The following GRIP1 variants were observed in gnomAD, a reference collection of about 807,000 sequenced individuals.
GRIP1 encodes the protein glutamate receptor-interacting protein 1.
In GRIP1, 45 loss-of-function variants were observed where a neutral mutation model predicts 129.9. That is an observed-to-expected ratio of 0.35 (90% CI 0.27 to 0.44). GRIP1 has a LOEUF of 0.44. Among genes scored for constraint, GRIP1 ranks in the 20% least tolerant of loss-of-function variants. The pLI is 1.00. For synonymous variants in GRIP1, 530 were observed against 520.8 expected, an observed-to-expected ratio of 1.02 and a Z score of -0.24; for missense variants, 1,196 against 1,396.8, an observed-to-expected ratio of 0.86 and a Z score of 2.29.
intron 1 of GRIP1, among the ~76,000 whole-genome samples, chr12:66,736,346 A>ATTTTTTTTTTTTTTTTTTT (rs547706592): frequency 9.0e-5 from 6 of 67,020 alleles, no homozygotes; most frequent in Non-Finnish European, 1.6e-4. Context: ...TGCCTGGCTA[A>ATTTTTTTTTTTTTTTTTTT]TTTTTTTTTT....
At chr12:67,057,115 C>T (rs779912581) in intron 1 of GRIP1, among the ~76,000 whole-genome samples, 3 of 152,196 alleles carry the variant, frequency 2.0e-5, no homozygotes, top group East Asian at 3.9e-4. Flanking sequence ...CGTGCCTGGC[C>T]GGACTGAATG....
chr12:66,796,575 T>A (rs1205396222), intron 1 of GRIP1, among the ~76,000 whole-genome samples: 1 of 152,050 alleles, frequency 6.6e-6, no homozygotes, highest in African/African-American at 2.4e-5. Context: ...ATCCCAAAAC[T>A]TTGATCTGGT....
chr12:66,611,569 A>G (rs2064793713), intron 1 of GRIP1, among the ~76,000 whole-genome samples: 1 of 152,184 alleles, frequency 6.6e-6, no homozygotes, highest in Admixed American at 6.6e-5. Context: ...TCATTCTGTA[A>G]GCCCTCAGAA....
intron 7 of GRIP1, among the ~76,000 whole-genome samples, chr12:66,479,225 G>A (rs1192664564): frequency 6.6e-6 from 1 of 151,796 alleles, no homozygotes; most frequent in Non-Finnish European, 1.5e-5. Context: ...AATAAAAAAT[G>A]ATAAAGGGGA....
intron 1 of GRIP1, among the ~76,000 whole-genome samples, chr12:66,675,112 T>A (rs1393077289): frequency 1.3e-5 from 2 of 152,066 alleles, no homozygotes; most frequent in Non-Finnish European, 2.9e-5. Context: ...AGGCCAGCTA[T>A]GATGAAAAAT....
At chr12:66,832,266 G>A (rs550327126) in intron 1 of GRIP1, among the ~76,000 whole-genome samples, 1 of 152,258 alleles carries the variant, frequency 6.6e-6, no homozygotes, top group African/African-American at 2.4e-5. Context: ...TGTGGTAATC[G>A]ATTCGAATGT....
At chr12:66,979,508 A>C (rs2135591400) in intron 1 of GRIP1, among the ~76,000 whole-genome samples, 1 of 152,218 alleles carries the variant, frequency 6.6e-6, no homozygotes, top group East Asian at 1.9e-4. Flanking sequence ...GAGGGCTCCA[A>C]GCCTCAGGGT....
chr12:66,640,490 A>G (rs749396867), intron 1 of GRIP1, among the ~76,000 whole-genome samples: 2 of 152,220 alleles, frequency 1.3e-5, no homozygotes, highest in Non-Finnish European at 2.9e-5. Flanking sequence ...TACTCAAGCT[A>G]GAAGAAAAGA....
chr12:66,540,851 ATGGCACAGTCTTAGTTCAC>A (rs2061755196), intron 3 of GRIP1, among the ~76,000 whole-genome samples: 1 of 152,032 alleles, frequency 6.6e-6, no homozygotes. Flanking sequence ...CTGGAGTGCA[ATGGCACAGTCTTAGTTCAC>A]TGCAACCTCC....
intron 1 of GRIP1, among the ~76,000 whole-genome samples, chr12:66,921,851 A>T (rs2041218623): frequency 2.6e-5 from 4 of 152,170 alleles, no homozygotes; most frequent in Admixed American, 2.6e-4. Flanking sequence ...GACTTTATGA[A>T]TTCAGGCCAT....
At chr12:66,847,335 C>G (rs2039835693) in intron 1 of GRIP1, among the ~76,000 whole-genome samples, 2 of 152,122 alleles carry the variant, frequency 1.3e-5, no homozygotes. Flanking sequence ...TTCCCAGGCA[C>G]AGCTGCACCT....
At position 67,026,901 on chromosome 12, in the gene GRIP1, T is replaced by A. The variant is rs575885462; in HGVS notation, c.58+42149A>T. Among the ~76,000 whole-genome samples, 37 of 152,300 alleles carry A rather than the reference T, an allele frequency of 2.4e-4. No homozygotes were observed. In the South Asian group the frequency reaches 3.1e-3, roughly 13 times the overall value. On this transcript the variant is annotated intron_variant, in intron 1 of 1. Transcript: ENST00000643019. ...TGTTGTGAATTCCCATCCAAATCTT[T>A]GCTTGTTTGTGTGTTTGTAGTTTTT... is the stretch of plus-strand genomic sequence containing the variant.
At chr12:66,429,448 A>G (rs1159096922) in intron 14 of GRIP1, among the ~76,000 whole-genome samples, 1 of 151,940 alleles carries the variant, frequency 6.6e-6, no homozygotes, top group Non-Finnish European at 1.5e-5. Context: ...TGTAATCCCA[A>G]CACTTTAAGA....
intron 2 of GRIP1, among the ~76,000 whole-genome samples, chr12:66,556,649 AAAC>A (rs2062343979): frequency 6.6e-6 from 1 of 152,084 alleles, no homozygotes; most frequent in African/African-American, 2.4e-5. Flanking sequence ...ATTAAAAAAA[AAAC>A]AACAACAAAA....
chr12:66,936,302 T>C (rs1010057521), intron 1 of GRIP1, among the ~76,000 whole-genome samples: 1 of 152,032 alleles, frequency 6.6e-6, no homozygotes, highest in African/African-American at 2.4e-5. Flanking sequence ...GGCATTCACC[T>C]GTAGTCCCAG....
chr12:67,007,843 C>A (rs1592459564), intron 1 of GRIP1, among the ~76,000 whole-genome samples: 1 of 152,114 alleles, frequency 6.6e-6, no homozygotes, highest in African/African-American at 2.4e-5. Flanking sequence ...AGTCCACAAT[C>A]ATTAAATTTT....
intron 5 of GRIP1, among the ~76,000 whole-genome samples, chr12:66,523,661 C>T (rs961762836): frequency 5.3e-5 from 8 of 151,128 alleles, no homozygotes; most frequent in Non-Finnish European, 1.0e-4. Context: ...AATGACAGGA[C>T]CAAATTCACA....
intron 1 of GRIP1, among the ~76,000 whole-genome samples, chr12:66,861,888 T>G (rs1330133240): frequency 1.3e-5 from 2 of 152,090 alleles, no homozygotes; most frequent in Non-Finnish European, 2.9e-5. Context: ...ATTGATATCT[T>G]TCATGGAAAA....
At chr12:66,604,487 T>C (rs2064420145) in intron 1 of GRIP1, among the ~76,000 whole-genome samples, 1 of 152,242 alleles carries the variant, frequency 6.6e-6, no homozygotes, top group Non-Finnish European at 1.5e-5. Context: ...AGGGCTGGAA[T>C]GTATTCCATA....
Sources: gnomAD v4.1 joint callset for allele counts (sites outside exome capture counted in the v4.1 genomes callset) on GRCh38, gnomAD v4.1.1 for gene constraint, MANE v1.5 for transcripts, NCBI Gene and HGNC (gene_info 2026-07-23, HGNC 2026-07-21) for gene names.